Variants in LRRK2 observed in about 807,000 individuals in gnomAD.
LRRK2 encodes leucine-rich repeat serine/threonine-protein kinase 2.
LRRK2 carries 203 observed loss-of-function variants against 302.6 expected under a neutral mutation model. That is an observed-to-expected ratio of 0.67 (90% confidence interval 0.60 to 0.75). The LOEUF is 0.75. Ranked by LOEUF, LRRK2 falls within the 30% of genes least tolerant of loss-of-function variation. LRRK2 has a pLI of 0.00. For synonymous variants in LRRK2, 1,066 were observed against 1,031.9 expected (o/e 1.03, Z -0.63); for missense variants, 2,830 against 2,951.0 (o/e 0.96, Z 0.95).
intron 8 of LRRK2, 36 bp from the exon 9 acceptor site, chr12:40,251,196 T>C: frequency 7.5e-7 from 1 of 1,335,092 alleles, no homozygotes; most frequent in Non-Finnish European, 1.0e-6. Context: ...AGATAATATA[T>C]ATAATGTTTT....
At chr12:40,300,724 T>G (rs1007688284) in intron 25 of LRRK2, 1 of 461,966 alleles carries the variant, frequency 2.2e-6, no homozygotes, top group Admixed American at 2.4e-5. Flanking sequence ...CTTAAGGAAC[T>G]TGTGATTAAG....
rs1942271619 is a variant in LRRK2, at chr12:40,251,489, A to G, written c.1126A>G (p.Asn376Asp). Residue 376 changes from asparagine (N) to aspartate (D), a missense_variant, in exon 10 of 51, where the codon AAT (asparagine) becomes GAT (aspartate). Around this residue, in one of 3 missense-constraint regions of LRRK2, gnomAD observed 2,121 missense variants for 2,148.0 expected, o/e 0.99. Transcript: ENST00000298910. ...GGAGGCCGCATGCTGGGCACTAAAT[A>G]ATCTCCTTATGTACCAAAACAGTTT... The part of the protein sequence containing the change: ...VQEAACWALN[N>D]LLMYQNSLHE... 6.2e-7 allele frequency: 1 copy of G among 1,612,384 alleles called. No individual in the cohort carries two copies. Among genetic ancestry groups the G allele is most frequent in the African/African-American group, 1.3e-5 (1 of 74,988 alleles).
intron 18 of LRRK2, among the ~76,000 whole-genome samples, chr12:40,281,090 G>GAACC (rs1268737013): frequency 1.4e-5 from 2 of 147,290 alleles, no homozygotes; most frequent in Non-Finnish European, 1.5e-5. Context: ...AACAAAAAAC[G>GAACC]AACCAACCAA....
chr12:40,297,100 T>C (rs1944415288), intron 23 of LRRK2, among the ~76,000 whole-genome samples: 1 of 152,368 alleles, frequency 6.6e-6, no homozygotes, highest in South Asian at 2.1e-4. Flanking sequence ...GGCTTGTTTC[T>C]GTCTATTCCC....
chr12:40,225,321 A>G lies in LRRK2; in HGVS notation c.151+39A>G, dbSNP rs764745104. On this transcript the variant is annotated intron_variant, in intron 1 of 50. Coordinates refer to ENST00000298910, the MANE Select transcript of LRRK2 (RefSeq NM_198578.4). Reference sequence around the variant, plus strand: ...AATAAACTGTGCTTTTATTTTTGCAAACTTTCTCCCCCTCCTTACATTTGC... The same window carrying G: ...AATAAACTGTGCTTTTATTTTTGCAGACTTTCTCCCCCTCCTTACATTTGC... 6.2e-6 allele frequency: 10 copies of G among 1,609,206 alleles called. No individual in the cohort carries two copies. In the East Asian group the frequency reaches 2.0e-4, roughly 32 times the overall value.
In LRRK2 at chr12:40,252,977, G is replaced by T; in HGVS notation, c.1249G>T (p.Ala417Ser). The stretch of plus-strand genomic sequence containing the variant: ...TTCTTCATCAAAGGAAGTTTTCCAG[G>T]CATCTGCGAATGCATTGTCAACTCT... ...MHSSSKEVFQASANALSTLLE... is the reference protein window; with the variant it reads ...MHSSSKEVFQSSANALSTLLE... Residue 417 changes from alanine (A) to serine (S), a missense_variant, in exon 11 of 51, where the codon GCA becomes TCA. This residue lies in a region of LRRK2 where 2,121 missense variants were observed against 2,148.0 expected (regional missense o/e 0.99). Transcript: ENST00000298910. The T allele has an allele frequency of 6.2e-7, 1 of 1,613,286 alleles. No individual in the cohort carries two copies.
intron 20 of LRRK2, 125 bp from the exon 21 acceptor site, chr12:40,293,420 G>C: frequency 1.6e-6 from 1 of 643,890 alleles, no homozygotes; most frequent in South Asian, 1.7e-5. Flanking sequence ...AAAGGGAATG[G>C]ACTGTGAAAT....
intron 46 of LRRK2, among the ~76,000 whole-genome samples, 179 bp from the exon 47 acceptor site, chr12:40,359,081 A>G (rs984746909): frequency 2.0e-5 from 3 of 151,822 alleles, no homozygotes; most frequent in Admixed American, 1.3e-4. Flanking sequence ...ATCCTTTACT[A>G]TACTCATTTA....
intron 34 of LRRK2, 29 bp from the exon 35 acceptor site, chr12:40,321,005 G>A: frequency 6.2e-7 from 1 of 1,611,530 alleles, no homozygotes; most frequent in Non-Finnish European, 8.5e-7. Context: ...TTGTGAGGCT[G>A]TATAACCATA....
chr12:40,357,669 T>C (rs1946580558), intron 46 of LRRK2, among the ~76,000 whole-genome samples: 1 of 152,222 alleles, frequency 6.6e-6, no homozygotes, highest in South Asian at 2.1e-4. Flanking sequence ...GTGGTTTTCA[T>C]TTGCATTTTT....
In LRRK2 at chr12:40,293,626, G is replaced by T. The variant is rs200795874; in HGVS notation, c.2771G>T (p.Arg924Leu). The T allele has an allele frequency of 6.2e-7, 1 of 1,611,134 alleles. No homozygotes were observed. Among genetic ancestry groups the T allele is most frequent in the African/African-American group, 1.3e-5 (1 of 74,738 alleles). ...TTTTACCGAGATGCCGTATTACAGC[G>T]TTGCTCACCAAATTTGCAAAGACAT... ...GEFYRDAVLQ[R>L]CSPNLQRHSN... is the part of the protein sequence containing the mutation. Residue 924 changes from arginine (R) to leucine (L), a missense_variant, in exon 21 of 51, where the codon CGT (arginine) becomes CTT (leucine). Coordinates refer to ENST00000298910, the MANE Select transcript of LRRK2 (RefSeq NM_198578.4).
intron 21 of LRRK2, 61 bp downstream of exon 21, chr12:40,293,724 C>A: frequency 8.8e-7 from 1 of 1,140,170 alleles, no homozygotes; most frequent in Non-Finnish European, 1.3e-6. Context: ...CTCTTGATAA[C>A]TAAAATTTAT....
chr12:40,283,553 G>A (rs920367028), intron 18 of LRRK2, among the ~76,000 whole-genome samples: 8 of 152,230 alleles, frequency 5.3e-5, no homozygotes, highest in African/African-American at 1.9e-4. Flanking sequence ...CTCAGAAAGT[G>A]TAAGCAATGT....
In LRRK2 at chr12:40,323,212, G is replaced by C. The variant is rs755601544; in HGVS notation, c.5562G>C (p.Gln1854His). ...CAAGGCTCACCATTCCAATATCTCA[G>C]ATTGCCCCTGACTTGATTTTGGCTG... ...DQPRLTIPIS[Q>H]IAPDLILADL... Residue 1854 changes from glutamine to histidine, a missense_variant, in exon 38 of 51, where the codon CAG (glutamine) becomes CAC (histidine). Transcript: ENST00000298910. 1 of 1,613,166 alleles carries C rather than the reference G, an allele frequency of 6.2e-7. No homozygotes were observed. The highest frequency in any genetic ancestry group is 8.5e-7 in the Non-Finnish European group (1 of 1,179,368).
chr12:40,268,033 C>T (rs1943094446), intron 14 of LRRK2, among the ~76,000 whole-genome samples: 1 of 152,104 alleles, frequency 6.6e-6, no homozygotes, highest in Non-Finnish European at 1.5e-5. Flanking sequence ...TGTTTGGATA[C>T]ATAAAAGTGC....
intron 45 of LRRK2, among the ~76,000 whole-genome samples, chr12:40,354,728 C>G (rs2137007652): frequency 6.6e-6 from 1 of 152,242 alleles, no homozygotes; most frequent in African/African-American, 2.4e-5. Flanking sequence ...ACCAGCCCTG[C>G]TCCTGGTATT....
chr12:40,228,433 CTTTTTTTTT>C (rs35333613), intron 2 of LRRK2, among the ~76,000 whole-genome samples: 9 of 19,318 alleles, frequency 4.7e-4, no homozygotes, highest in African/African-American at 2.0e-3. Context: ...AAAAATAAGA[CTTTTTTTTT>C]TTTTTTTTTT....
intron 4 of LRRK2, among the ~76,000 whole-genome samples, chr12:40,237,152 T>G (rs1941504356): frequency 6.6e-6 from 1 of 152,074 alleles, no homozygotes; most frequent in South Asian, 2.1e-4. Context: ...GTTTAGCATA[T>G]TTGGAGTGAA....
intron 38 of LRRK2, among the ~76,000 whole-genome samples, chr12:40,325,062 T>A (rs1025527657): frequency 6.6e-6 from 1 of 152,092 alleles, no homozygotes; most frequent in African/African-American, 2.4e-5. Context: ...CCGAGGTGGG[T>A]GTATCACGAG....
Sources: gnomAD v4.1 joint callset for allele counts (sites outside exome capture counted in the v4.1 genomes callset) on GRCh38, gnomAD v4.1.1 for gene constraint, gnomAD v4.1.1 regional missense constraint, MANE v1.5 for transcripts, NCBI Gene and HGNC (gene_info 2026-07-23, HGNC 2026-07-21) for gene names.